The following RHOD variants were observed in gnomAD, a reference collection of about 807,000 sequenced individuals.
RHOD encodes rho-related GTP-binding protein RhoD.
Under a neutral mutation model 16.7 loss-of-function variants are expected in RHOD, and 11 were observed. The ratio of observed to expected loss-of-function variants is 0.66; its 90% CI spans 0.41 to 1.09. The LOEUF (loss-of-function observed/expected upper bound fraction) is 1.09, where lower values mean the gene tolerates loss of function less well. Ranked by LOEUF, RHOD falls within the 50% of genes least tolerant of loss-of-function variation. The pLI, the probability that RHOD is intolerant of heterozygous loss-of-function variation, is 0.00. For synonymous variants in RHOD, 124 were observed against 126.3 expected, an observed-to-expected ratio of 0.98 and a Z score of 0.12; for missense variants, 271 against 291.7, an observed-to-expected ratio of 0.93 and a Z score of 0.52.
In RHOD at chr11:67,071,734, G is replaced by A; in HGVS notation, c.*132G>A. The A allele has an allele frequency of 1.1e-6, 1 of 949,522 alleles. No individual in the cohort carries two copies. Among genetic ancestry groups the A allele is most frequent in the Non-Finnish European group, 1.5e-6 (1 of 658,552 alleles). The allele number at this position is 949,522 out of a possible 1,614,324, so 58.8% of individuals were successfully genotyped here. A position where few individuals can be genotyped will look rare whatever the true frequency, so the allele number is the denominator to read the frequency against. On this transcript the variant is annotated 3_prime_UTR_variant, in exon 5 of 5. Transcript: ENST00000308831. ...CAACAGACGGGCGCCACCAAAGCCA[G>A]GCCCTGAGGCCTGGGAGTCCTGGAC...
At chr11:67,060,527 C>T (rs1295415660) in intron 1 of RHOD, among the ~76,000 whole-genome samples, 1 of 152,178 alleles carries the variant, frequency 6.6e-6, no homozygotes, top group African/African-American at 2.4e-5. Context: ...AAACCCAGCC[C>T]CTTTCTGTCT....
At position 67,065,878 on chromosome 11, in the gene RHOD, C is replaced by G. The variant is rs775049468; in HGVS notation, c.133-18C>G. 10 of 1,599,076 alleles carry G rather than the reference C, an allele frequency of 6.3e-6. No individual in the cohort carries two copies. The South Asian group carries it at 6.6e-5, about 11-fold the overall frequency. ...TCCGAAGCCTCCTCACACCCTCCCC[C>G]GCCCTGCTTCTCCTCAGAGCTACAC... On this transcript the variant is annotated intron_variant, in intron 1 of 4. Coordinates refer to ENST00000308831, the MANE Select transcript of RHOD (RefSeq NM_014578.4).
intron 3 of RHOD, 186 bp from the exon 4 acceptor site, chr11:67,070,239 T>A (rs1249134495): frequency 1.1e-5 from 8 of 710,268 alleles, no homozygotes; most frequent in Non-Finnish European, 2.0e-5. Flanking sequence ...CTCGGGGAAT[T>A]AATGGGTCCA....
At chr11:67,058,300 C>T (rs1032858150) in intron 1 of RHOD, among the ~76,000 whole-genome samples, 4 of 152,176 alleles carry the variant, frequency 2.6e-5, no homozygotes, top group East Asian at 1.9e-4. Flanking sequence ...CTCAGCCTCC[C>T]GAGTAGCTGG....
chr11:67,067,508 C>A (rs369220436), intron 3 of RHOD, among the ~76,000 whole-genome samples: 10 of 152,292 alleles, frequency 6.6e-5, no homozygotes, highest in African/African-American at 2.2e-4. Flanking sequence ...TATTATTATT[C>A]CCGGATCCAG....
At chr11:67,068,079 G>A (rs912715530) in intron 3 of RHOD, among the ~76,000 whole-genome samples, 4 of 152,218 alleles carry the variant, frequency 2.6e-5, no homozygotes, top group East Asian at 1.9e-4. Context: ...GATTACAGGC[G>A]TGAGCCACCA....
intron 1 of RHOD, among the ~76,000 whole-genome samples, chr11:67,063,508 T>TA (rs58807370): frequency 0.02 from 2,576 of 131,506 alleles, 71 homozygotes; most frequent in South Asian, 0.07. Context: ...TTTTTTTTTT[T>TA]AAAAAAAGGC....
At chr11:67,066,659 GA>G in intron 2 of RHOD, 78 bp from the exon 3 acceptor site, 1 of 946,202 alleles carries the variant, frequency 1.1e-6, no homozygotes, top group Non-Finnish European at 1.7e-6. Context: ...CCCATCTGAT[GA>G]GGTGACCTCC....
rs772899371 is a variant in RHOD at position 67,071,480 on chromosome 11, T to C, written c.511T>C (p.Cys171Arg). 1.2e-6 allele frequency: 2 copies of C among 1,607,312 alleles called. No homozygotes were observed. The highest frequency in any genetic ancestry group is 1.7e-6 in the Non-Finnish European group (2 of 1,177,688). Residue 171 changes from cysteine (C) to arginine (R), a missense_variant, in exon 5 of 5, where the codon TGC (cysteine) becomes CGC (arginine). By Grantham distance (180) the Cys-to-Arg change is radical (BLOSUM62 -3). Transcript: ENST00000308831. ...RSVGAVAYLE[C>R]SARLHDNVHA... Reference sequence around the variant, plus strand: ...CGTGGGCGCGGTGGCCTACCTCGAGTGCTCGGCTCGGCTCCATGACAACGT... The same window carrying C: ...CGTGGGCGCGGTGGCCTACCTCGAGCGCTCGGCTCGGCTCCATGACAACGT...
chr11:67,062,109 T>C (rs1205440417), intron 1 of RHOD, among the ~76,000 whole-genome samples: 2 of 152,108 alleles, frequency 1.3e-5, no homozygotes, highest in Admixed American at 6.6e-5. Context: ...TGAGATTTGC[T>C]TGGGGACACA....
At position 67,065,899 on chromosome 11, in the gene RHOD, T is replaced by C; in HGVS notation, c.136T>C (p.Tyr46His). ...VFADGAFPESYTPTVFERYMV... is the reference protein window; with the variant it reads ...VFADGAFPESHTPTVFERYMV... Reference sequence around the variant, plus strand: ...CCCCCGCCCTGCTTCTCCTCAGAGCTACACCCCCACGGTGTTTGAGCGGTA... The same window carrying C: ...CCCCCGCCCTGCTTCTCCTCAGAGCCACACCCCCACGGTGTTTGAGCGGTA... Residue 46 changes from tyrosine (Y) to histidine (H), a missense_variant, in exon 2 of 5, where the codon TAC becomes CAC. Coordinates refer to ENST00000308831, the MANE Select transcript of RHOD (RefSeq NM_014578.4). The C allele has an allele frequency of 1.3e-6, 2 of 1,591,030 alleles. No individual in the cohort carries two copies. The highest frequency in any genetic ancestry group is 4.6e-5 in the East Asian group (2 of 43,014).
Position 67,070,482 on chromosome 11 carries a change from A to G in RHOD, c.388A>G (p.Lys130Glu). 26 of 1,614,008 alleles carry G rather than the reference A, an allele frequency of 1.6e-5. No individual in the cohort carries two copies. Among genetic ancestry groups the G allele is most frequent in the Non-Finnish European group, 2.1e-5 (25 of 1,180,006 alleles). The change falls in exon 4 of 5, where the codon AAG becomes GAG. Residue 130 changes from lysine (K) to glutamate (E), a missense_variant. By Grantham distance (56) the Lys-to-Glu change is moderately conservative. Coordinates refer to ENST00000308831, the MANE Select transcript of RHOD (RefSeq NM_014578.4). ...KKVPIIVVGCKTDLRKDKSLV... is the reference protein window; with the variant it reads ...KKVPIIVVGCETDLRKDKSLV... ...GGTACCCATCATCGTCGTGGGCTGC[A>G]AGACTGACCTGCGCAAGGACAAATC...
chr11:67,063,923 T>C (rs1448374245), intron 1 of RHOD, among the ~76,000 whole-genome samples: 21 of 127,550 alleles, frequency 1.6e-4, no homozygotes, highest in South Asian at 5.4e-4. Context: ...CTGACCAACA[T>C]GGTGAAACCC....
rs1297215752 is a variant in RHOD, at chr11:67,070,510, T to C, written c.416T>C (p.Leu139Pro). 2.5e-6 allele frequency: 4 copies of C among 1,613,884 alleles called. No individual in the cohort carries two copies. The highest frequency in any genetic ancestry group is 2.2e-5 in the East Asian group (1 of 44,852). ...ACTGACCTGCGCAAGGACAAATCACTGGTGAACAAGCTCCGAAGAAACGGA... is the reference window on the plus strand; with the variant it reads ...ACTGACCTGCGCAAGGACAAATCACCGGTGAACAAGCTCCGAAGAAACGGA... ...CKTDLRKDKS[L>P]VNKLRRNGLE... The change falls in exon 4 of 5, where the codon CTG (leucine) becomes CCG (proline). Residue 139 changes from leucine to proline, a missense_variant. Leu to Pro is a moderately conservative substitution (Grantham distance 98). Coordinates refer to ENST00000308831, the MANE Select transcript of RHOD (RefSeq NM_014578.4).
chr11:67,059,689 C>T (rs183449601), intron 1 of RHOD, among the ~76,000 whole-genome samples: 12 of 152,264 alleles, frequency 7.9e-5, no homozygotes, highest in African/African-American at 2.6e-4. Flanking sequence ...GCACATGGCC[C>T]GGCAGTGGCA....
chr11:67,063,258 A>G (rs1854913498), intron 1 of RHOD, among the ~76,000 whole-genome samples: 1 of 152,064 alleles, frequency 6.6e-6, no homozygotes, highest in Admixed American at 6.6e-5. Flanking sequence ...TGGGAGGCCA[A>G]GGTGGGTGGA....
At position 67,065,963 on chromosome 11, in the gene RHOD, T is replaced by G; in HGVS notation, c.200T>G (p.Leu67Arg). Residue 67 changes from leucine (L) to arginine (R), a missense_variant, in exon 2 of 5, where the codon CTC becomes CGC. Physicochemically the swap from Leu to Arg is moderately radical, Grantham distance 102. Transcript: ENST00000308831. ...CAAGTGAAAGGCAAACCTGTGCACC[T>G]CCACATCTGGGACACAGCAGGTGGG... Reference protein sequence around the residue: ...NLQVKGKPVHLHIWDTAGQDD... With the variant: ...NLQVKGKPVHRHIWDTAGQDD... The G allele has an allele frequency of 7.6e-7, 1 of 1,322,044 alleles. No homozygotes were observed. Among genetic ancestry groups the G allele is most frequent in the Non-Finnish European group, 1.0e-6 (1 of 977,904 alleles). 81.9% of individuals were successfully genotyped at this position (1,322,044 alleles called of 1,614,324 possible). A position where few individuals can be genotyped will look rare whatever the true frequency, so the allele number is the denominator to read the frequency against.
Position 67,065,378 on chromosome 11 carries a change from C to CGTT in RHOD, c.133-502_133-500dup, listed in dbSNP as rs779360331. ...CGTGAGCCAGCACACCCGGCCTTTT[C>CGTT]GTTGTTGTTGTTGTTGTTTTGAGAC... On this transcript the variant is annotated intron_variant, in intron 1 of 4. Transcript: ENST00000308831. Among the ~76,000 whole-genome samples, 4 of 151,734 alleles carry CGTT rather than the reference C, an allele frequency of 2.6e-5. No homozygotes were observed. In the East Asian group the frequency reaches 7.8e-4, roughly 29 times the overall value.
chr11:67,065,693 C>T (rs996922992), intron 1 of RHOD, among the ~76,000 whole-genome samples: 2 of 152,156 alleles, frequency 1.3e-5, no homozygotes, highest in African/African-American at 4.8e-5. Context: ...CATTTCACAA[C>T]TGAGAACAAA....
Sources: gnomAD v4.1 joint callset for allele counts (sites outside exome capture counted in the v4.1 genomes callset) on GRCh38, gnomAD v4.1.1 for gene constraint, MANE v1.5 for transcripts, NCBI Gene and HGNC (gene_info 2026-07-23, HGNC 2026-07-21) for gene names.